The following ANKS1B variants were observed in gnomAD, a reference collection of about 807,000 sequenced individuals.
ANKS1B encodes ankyrin repeat and sterile alpha motif domain containing 1B.
A neutral mutation model predicts 148.3 loss-of-function variants in ANKS1B; 36 were observed. That is an observed-to-expected ratio of 0.24 (90% confidence interval 0.19 to 0.32). ANKS1B has a LOEUF of 0.32. Among genes scored for constraint, ANKS1B ranks in the 10% least tolerant of loss-of-function variants. The pLI, the probability that ANKS1B is intolerant of heterozygous loss-of-function variation, is 1.00. For missense variants in ANKS1B, 1,157 were observed against 1,542.6 expected, an observed-to-expected ratio of 0.75 and a Z score of 4.19; for synonymous variants, 542 against 560.8, an observed-to-expected ratio of 0.97 and a Z score of 0.47.
chr12:99,030,951 T>A (rs1205778852), intron 17 of ANKS1B, among the ~76,000 whole-genome samples: 1 of 152,196 alleles, frequency 6.6e-6, no homozygotes, highest in African/African-American at 2.4e-5. Context: ...AGCTCACCCA[T>A]CTGTCTCTGC....
chr12:99,039,441 T>C (rs1486679318), intron 17 of ANKS1B, among the ~76,000 whole-genome samples: 3 of 152,248 alleles, frequency 2.0e-5, no homozygotes, highest in South Asian at 2.1e-4. Flanking sequence ...TGTGTGAACA[T>C]ACAGCTGAGC....
intron 17 of ANKS1B, among the ~76,000 whole-genome samples, chr12:98,939,446 G>A (rs1188436621): frequency 5.3e-5 from 8 of 152,162 alleles, no homozygotes; most frequent in South Asian, 2.1e-4. Flanking sequence ...TGGCCATTGC[G>A]GTTAATTTTT....
At chr12:99,099,621 C>T (rs1187632454) in intron 15 of ANKS1B, among the ~76,000 whole-genome samples, 8 of 152,160 alleles carry the variant, frequency 5.3e-5, no homozygotes, top group African/African-American at 1.9e-4. Context: ...TCTTTTTTGA[C>T]CAGATCAAGG....
chr12:98,903,161 T>C (rs1025218715), intron 17 of ANKS1B, among the ~76,000 whole-genome samples: 5 of 152,142 alleles, frequency 3.3e-5, no homozygotes, highest in Non-Finnish European at 2.9e-5. Context: ...AAACATAATT[T>C]GGGGTTGGGA....
At chr12:99,067,211 G>A (rs2044645039) in intron 16 of ANKS1B, among the ~76,000 whole-genome samples, 1 of 152,224 alleles carries the variant, frequency 6.6e-6, no homozygotes, top group Non-Finnish European at 1.5e-5. Context: ...AGAAGAGATG[G>A]TGCCATATTG....
chr12:99,443,657 C>A lies in ANKS1B; in HGVS notation c.1575+16G>T. On this transcript the variant is annotated intron_variant, in intron 11 of 26. Transcript: ENST00000683438. ...AAACACATTAGAGGGAAAATGATGC[C>A]ATTCTGGGCACTTACCTGGGGTCGA... 1 of 1,609,894 alleles carries A rather than the reference C, an allele frequency of 6.2e-7. No individual in the cohort carries two copies. The highest frequency in any genetic ancestry group is 8.5e-7 in the Non-Finnish European group (1 of 1,177,674).
In ANKS1B at chr12:99,281,127, G is replaced by T. The variant is rs913358401; in HGVS notation, c.1757-34263C>A. 2.0e-5 allele frequency among the ~76,000 whole-genome samples: 3 copies of T among 152,178 alleles called. No homozygotes were observed. In the South Asian group the frequency reaches 6.2e-4, roughly 32 times the overall value. On this transcript the variant is annotated intron_variant, in intron 12 of 26. Transcript: ENST00000683438. ...GGCCACAAAATGGTAGGCATCTGGGGTCCCTGAATAAAGCATAAGAAGAGA... is the reference window on the plus strand; with the variant it reads ...GGCCACAAAATGGTAGGCATCTGGGTTCCCTGAATAAAGCATAAGAAGAGA...
chr12:99,743,738 C>T (rs183465958), intron 8 of ANKS1B, among the ~76,000 whole-genome samples: 2 of 152,228 alleles, frequency 1.3e-5, no homozygotes, highest in Admixed American at 6.5e-5. Context: ...TAACTAAGCT[C>T]GTCTCTAACA....
chr12:99,497,345 T>A (rs778823660), intron 10 of ANKS1B, among the ~76,000 whole-genome samples: 2 of 152,200 alleles, frequency 1.3e-5, no homozygotes, highest in African/African-American at 2.4e-5. Context: ...TTGTAGTTGG[T>A]TGAATCCATG....
chr12:99,631,700 G>A (rs1156247874), intron 9 of ANKS1B, among the ~76,000 whole-genome samples: 2 of 152,196 alleles, frequency 1.3e-5, no homozygotes, highest in Non-Finnish European at 2.9e-5. Context: ...ACTAGAGTAT[G>A]TGGCAGAAGA....
chr12:99,305,676 T>G (rs553735155), intron 12 of ANKS1B, among the ~76,000 whole-genome samples: 1 of 152,100 alleles, frequency 6.6e-6, no homozygotes, highest in Non-Finnish European at 1.5e-5. Flanking sequence ...AGGAGTCAAA[T>G]AGGGGATTCT....
intron 1 of ANKS1B, among the ~76,000 whole-genome samples, chr12:99,898,504 G>A: frequency 6.6e-6 from 1 of 152,182 alleles, no homozygotes; most frequent in Non-Finnish European, 1.5e-5. Flanking sequence ...TCTAACTTCT[G>A]TGAGTGTCCA....
At position 99,968,714 on chromosome 12, in the gene ANKS1B, T is replaced by C. The variant is rs925222870; in HGVS notation, c.134+15390A>G. 1.2e-4 allele frequency among the ~76,000 whole-genome samples: 18 copies of C among 152,324 alleles called. No homozygotes were observed. The South Asian group carries it at 3.7e-3, about 32-fold the overall frequency. On this transcript the variant is annotated intron_variant, in intron 1 of 26. Transcript: ENST00000683438. ...CATACCGAAATGTGGTTCCCAGTGT[T>C]GGAGGTGGGGTCTGGTGGGAGGTGC...
intron 1 of ANKS1B, among the ~76,000 whole-genome samples, chr12:99,974,833 G>C (rs1232158957): frequency 6.6e-6 from 1 of 152,096 alleles, no homozygotes; most frequent in Non-Finnish European, 1.5e-5. Context: ...GGGATTACGG[G>C]CATGAGCCAC....
intron 23 of ANKS1B, 21 bp from the exon 24 acceptor site, chr12:98,781,224 C>G (rs760067821): frequency 6.7e-7 from 1 of 1,500,804 alleles, no homozygotes; most frequent in Non-Finnish European, 9.1e-7. Context: ...AATTAGAAAG[C>G]TGTTAGAGCA....
intron 10 of ANKS1B, among the ~76,000 whole-genome samples, chr12:99,504,256 A>G (rs1419382801): frequency 6.6e-6 from 1 of 152,190 alleles, no homozygotes; most frequent in Non-Finnish European, 1.5e-5. Context: ...TCAAAGCATT[A>G]CCATGTCCAT....
intron 11 of ANKS1B, among the ~76,000 whole-genome samples, chr12:99,435,009 C>T (rs1045019100): frequency 6.6e-6 from 1 of 151,872 alleles, no homozygotes; most frequent in Non-Finnish European, 1.5e-5. Context: ...TAGAAAGTGC[C>T]AAATAACAAA....
chr12:99,644,797 A>G (rs1472756749), intron 9 of ANKS1B, among the ~76,000 whole-genome samples: 1 of 152,172 alleles, frequency 6.6e-6, no homozygotes, highest in Non-Finnish European at 1.5e-5. Flanking sequence ...AAGTTAAGGT[A>G]TTGGCAGGGC....
chr12:98,745,808 C>T lies in ANKS1B; in HGVS notation c.3789G>A (p.Pro1263=), dbSNP rs775798094. 2.2e-5 allele frequency: 35 copies of T among 1,613,500 alleles called. No homozygotes were observed. Among genetic ancestry groups the T allele is most frequent in the African/African-American group, 2.7e-5 (2 of 74,880 alleles). Residue 1263 remains proline (P), a synonymous_variant, in exon 27 of 27, where the codon CCG becomes CCA. Coordinates refer to ENST00000683438, the MANE Select transcript of ANKS1B (RefSeq NM_001352186.2). ...PSEQKTLANL[P]WIVEPGQEAK... ...CTTCTTGGCCCGGCTCCACAATCCACGGTAGATTGGCCAGAGTCTTTTGCT... is the reference window on the plus strand; with the variant it reads ...CTTCTTGGCCCGGCTCCACAATCCATGGTAGATTGGCCAGAGTCTTTTGCT...
Sources: allele counts gnomAD v4.1 joint callset (sites outside exome capture counted in the v4.1 genomes callset), GRCh38; gene constraint gnomAD v4.1.1; transcripts MANE v1.5; gene names NCBI Gene and HGNC (gene_info 2026-07-23, HGNC 2026-07-21).